Variants in TMED10 observed in about 807,000 individuals in gnomAD.
TMED10 encodes the protein transmembrane p24 trafficking protein 10.
Under a neutral mutation model 23.1 loss-of-function variants are expected in TMED10, and 7 were observed. The ratio of observed to expected loss-of-function variants is 0.30; its 90% confidence interval spans 0.17 to 0.57. The LOEUF is 0.57. Among genes scored for constraint, TMED10 ranks in the 20% least tolerant of loss-of-function variants. The pLI is 0.91. For synonymous variants in TMED10, 113 were observed against 106.9 expected (o/e 1.06, Z -0.35); for missense variants, 162 against 274.8 (o/e 0.59, Z 2.90).
intron 3 of TMED10, among the ~76,000 whole-genome samples, chr14:75,143,149 G>A (rs1281889652): frequency 3.9e-5 from 6 of 152,074 alleles, no homozygotes; most frequent in Non-Finnish European, 7.4e-5. Flanking sequence ...GTGAGCCACC[G>A]CGCCCAGCCT....
chr14:75,134,977 T>C lies in TMED10; in HGVS notation c.568A>G (p.Ser190Gly), dbSNP rs1895729822. Residue 190 changes from serine to glycine, a missense_variant, in exon 5 of 5, where the codon AGC (serine) becomes GGC (glycine). Around this residue, in one of 2 missense-constraint regions of TMED10, gnomAD observed 126 missense variants for 239.5 expected, o/e 0.53. Coordinates refer to ENST00000303575, the MANE Select transcript of TMED10 (RefSeq NM_006827.6). ...ATGAGACAGAACATTGAAAAGATGC[T>C]GAAGTATAGGACCCGAGTGTTTGTT... ...ESTNTRVLYFSIFSMFCLIGL... is the reference protein window; with the variant it reads ...ESTNTRVLYFGIFSMFCLIGL... The C allele has an allele frequency of 6.2e-7, 1 of 1,613,884 alleles. No homozygotes were observed. The highest frequency in any genetic ancestry group is 1.3e-5 in the African/African-American group (1 of 74,862).
chr14:75,175,501 A>G (rs1896291983), intron 1 of TMED10, among the ~76,000 whole-genome samples: 1 of 152,080 alleles, frequency 6.6e-6, no homozygotes, highest in Non-Finnish European at 1.5e-5. Context: ...ACAGAAAACC[A>G]AACACCGCAT....
chr14:75,170,432 G>C (rs1896218883), intron 1 of TMED10, among the ~76,000 whole-genome samples: 1 of 152,176 alleles, frequency 6.6e-6, no homozygotes, highest in Non-Finnish European at 1.5e-5. Flanking sequence ...TCTGAGGTCA[G>C]AGGATAGACA....
chr14:75,147,194 T>A (rs1453371731), intron 3 of TMED10, among the ~76,000 whole-genome samples: 1 of 146,400 alleles, frequency 6.8e-6, no homozygotes, highest in Non-Finnish European at 1.5e-5. Context: ...TGTTTTTTTT[T>A]TTTTTTTTTT....
intron 3 of TMED10, among the ~76,000 whole-genome samples, chr14:75,140,766 A>G (rs978980351): frequency 2.0e-5 from 3 of 151,974 alleles, no homozygotes; most frequent in Non-Finnish European, 4.4e-5. Flanking sequence ...AAAACAAAAA[A>G]CCTTCACTGC....
chr14:75,142,079 A>G (rs930753563), intron 3 of TMED10, among the ~76,000 whole-genome samples: 6 of 152,282 alleles, frequency 3.9e-5, no homozygotes, highest in Admixed American at 3.3e-4. Flanking sequence ...TAAAAATGCC[A>G]AATTATACAT....
In TMED10 at chr14:75,133,808, T is replaced by G. The variant is rs1419293770; in HGVS notation, c.*1077A>C. ...GTGGTACATCCATACCATGGAATAC[T>G]ACTCAGCAATCAAAAGGAACTGCCC... On this transcript the variant is annotated 3_prime_UTR_variant, in exon 5 of 5. Coordinates refer to ENST00000303575, the MANE Select transcript of TMED10 (RefSeq NM_006827.6). 3.6e-6 allele frequency: 1 copy of G among 281,464 alleles called. No individual in the cohort carries two copies. Among genetic ancestry groups the G allele is most frequent in the Non-Finnish European group, 6.7e-6 (1 of 148,666 alleles). The allele number at this position is 281,464 out of a possible 1,614,324, so 17.4% of individuals were successfully genotyped here.
chr14:75,147,513 T>G, intron 3 of TMED10, 151 bp downstream of exon 3: 2 of 856,794 alleles, frequency 2.3e-6, no homozygotes, highest in South Asian at 2.9e-5. Context: ...AATACCACTT[T>G]TTGTATCAGT....
chr14:75,160,203 A>G (rs886462655), intron 1 of TMED10, among the ~76,000 whole-genome samples: 4 of 152,194 alleles, frequency 2.6e-5, no homozygotes, highest in Non-Finnish European at 5.9e-5. Flanking sequence ...TAGGTTTCCT[A>G]TCTAGTTCAT....
intron 3 of TMED10, among the ~76,000 whole-genome samples, chr14:75,143,534 A>G (rs1197253765): frequency 6.6e-6 from 1 of 152,174 alleles, no homozygotes; most frequent in Non-Finnish European, 1.5e-5. Flanking sequence ...TGACAAGACA[A>G]ATTCAGTCAA....
At chr14:75,153,748 G>C (rs1895983922) in intron 1 of TMED10, among the ~76,000 whole-genome samples, 1 of 150,014 alleles carries the variant, frequency 6.7e-6, no homozygotes, top group South Asian at 2.1e-4. Context: ...AGTTATTTCT[G>C]AGGGGTGAGA....
chr14:75,132,953 TA>T lies in TMED10; in HGVS notation c.*1931del, dbSNP rs1199491709. 1 of 152,310 alleles carries T rather than the reference TA, an allele frequency of 6.6e-6. No individual in the cohort carries two copies. The highest frequency in any genetic ancestry group is 1.5e-5 in the Non-Finnish European group (1 of 68,032). 9.4% of individuals were successfully genotyped at this position (152,310 alleles called of 1,614,324 possible). On this transcript the variant is annotated 3_prime_UTR_variant, in exon 5 of 5. Coordinates refer to ENST00000303575, the MANE Select transcript of TMED10 (RefSeq NM_006827.6). ...TCACAGCATTTTTCATAACTGTTTA[TA>T]AACAATGGTCATTTATATCCACACT...
At chr14:75,168,365 T>C (rs944173899) in intron 1 of TMED10, among the ~76,000 whole-genome samples, 8 of 152,218 alleles carry the variant, frequency 5.3e-5, no homozygotes, top group African/African-American at 1.9e-4. Context: ...AAATATTTGT[T>C]GAATGAATGA....
chr14:75,153,681 A>T (rs1171910571), intron 1 of TMED10, among the ~76,000 whole-genome samples: 2 of 152,188 alleles, frequency 1.3e-5, no homozygotes, highest in African/African-American at 4.8e-5. Flanking sequence ...AATTTTAAGC[A>T]GGAAAATTAA....
At chr14:75,147,183 C>CTTTTTTTTTTT (rs1895894334) in intron 3 of TMED10, among the ~76,000 whole-genome samples, 4 of 77,826 alleles carry the variant, frequency 5.1e-5, no homozygotes, top group Non-Finnish European at 6.5e-5. Context: ...TTCTTCAAGG[C>CTTTTTTTTTTT]TGTTTTTTTT....
At chr14:75,139,610 T>A (rs1389694002) in intron 3 of TMED10, among the ~76,000 whole-genome samples, 1 of 139,846 alleles carries the variant, frequency 7.2e-6, no homozygotes, top group Non-Finnish European at 1.5e-5. Context: ...TACTCCATCC[T>A]GGGAGACAAA....
intron 3 of TMED10, 73 bp from the exon 4 acceptor site, chr14:75,135,959 G>A: frequency 1.9e-6 from 3 of 1,570,768 alleles, no homozygotes; most frequent in Non-Finnish European, 2.6e-6. Flanking sequence ...AGGCAACAGA[G>A]AAGTCTTTTT....
intron 1 of TMED10, among the ~76,000 whole-genome samples, chr14:75,173,796 T>C (rs1896266073): frequency 6.6e-6 from 1 of 152,314 alleles, no homozygotes; most frequent in Non-Finnish European, 1.5e-5. Flanking sequence ...AGTGGCACGG[T>C]GTCAGCTCAC....
chr14:75,170,328 G>A (rs1327858961), intron 1 of TMED10, among the ~76,000 whole-genome samples: 1 of 152,102 alleles, frequency 6.6e-6, no homozygotes, highest in Non-Finnish European at 1.5e-5. Flanking sequence ...TGGCTTGCAT[G>A]GTATATTACA....
Sources: gnomAD v4.1 joint callset for allele counts (sites outside exome capture counted in the v4.1 genomes callset) on GRCh38, gnomAD v4.1.1 for gene constraint, gnomAD v4.1.1 regional missense constraint, MANE v1.5 for transcripts, NCBI Gene and HGNC (gene_info 2026-07-23, HGNC 2026-07-21) for gene names.